The following STPG2 variants were observed in gnomAD, a reference collection of about 807,000 sequenced individuals.
The protein encoded by STPG2 is sperm-tail PG-rich repeat-containing protein 2.
In STPG2, 56 loss-of-function variants were observed where a neutral mutation model predicts 54.2. That is an observed-to-expected ratio of 1.03 (90% CI 0.83 to 1.29). The LOEUF is 1.29. Among genes scored for constraint, STPG2 ranks in the 50% most tolerant of loss-of-function variants. The pLI is 0.00. For synonymous variants in STPG2, 200 were observed against 181.8 expected, an observed-to-expected ratio of 1.10 and a Z score of -0.81; for missense variants, 596 against 544.9, an observed-to-expected ratio of 1.09 and a Z score of -0.93.
chr4:97,951,386 A>G (rs1223145795), intron 7 of STPG2, among the ~76,000 whole-genome samples: 1 of 152,196 alleles, frequency 6.6e-6, no homozygotes. Context: ...GGTGTATTGC[A>G]GAACCTTGTT....
At chr4:98,088,277 A>G (rs1448894287) in intron 5 of STPG2, among the ~76,000 whole-genome samples, 1 of 152,190 alleles carries the variant, frequency 6.6e-6, no homozygotes, top group Non-Finnish European at 1.5e-5. Context: ...TTCTCTGACT[A>G]AAGCCTATCT....
chr4:97,724,977 C>T (rs1427438487), intron 9 of STPG2, among the ~76,000 whole-genome samples: 1 of 152,030 alleles, frequency 6.6e-6, no homozygotes, highest in Non-Finnish European at 1.5e-5. Context: ...AACACTGCTC[C>T]CAGAACTCTT....
At chr4:97,569,565 G>C (rs922015182) in intron 10 of STPG2, among the ~76,000 whole-genome samples, 2 of 152,050 alleles carry the variant, frequency 1.3e-5, no homozygotes, top group Non-Finnish European at 2.9e-5. Context: ...AGAATCAACT[G>C]AATATAACAG....
At chr4:98,135,190 ACT>A (rs1421528535) in intron 1 of STPG2, among the ~76,000 whole-genome samples, 11 of 151,832 alleles carry the variant, frequency 7.2e-5, no homozygotes, top group African/African-American at 2.7e-4. Flanking sequence ...GCAAGTGAAG[ACT>A]CAAAACTTTT....
chr4:97,660,541 T>G (rs1156667761), intron 10 of STPG2, among the ~76,000 whole-genome samples: 1 of 152,216 alleles, frequency 6.6e-6, no homozygotes, highest in Non-Finnish European at 1.5e-5. Flanking sequence ...AAGGATGAGT[T>G]CTCTCTTGAT....
At chr4:97,555,147 T>C (rs1000603883), downstream of STPG2, among the ~76,000 whole-genome samples, 5 of 152,214 alleles carry the variant, frequency 3.3e-5, no homozygotes, top group African/African-American at 9.6e-5. Context: ...TTTTCTGGCA[T>C]GCTTGTCTTA....
chr4:97,480,753 C>T (rs994591366), intron 4 of STPG2, among the ~76,000 whole-genome samples: 9 of 151,428 alleles, frequency 5.9e-5, no homozygotes, highest in African/African-American at 1.7e-4. Flanking sequence ...AAATATTTTG[C>T]TTACTTTAGT....
At chr4:97,939,483 CTT>C (rs1229649107) in intron 8 of STPG2, among the ~76,000 whole-genome samples, 6 of 152,174 alleles carry the variant, frequency 3.9e-5, no homozygotes, top group African/African-American at 1.4e-4. Context: ...TCTGAGTTCT[CTT>C]TGTTGGGTGC....
intron 9 of STPG2, among the ~76,000 whole-genome samples, chr4:97,723,964 C>T (rs1049541692): frequency 2.2e-4 from 34 of 152,162 alleles, no homozygotes; most frequent in Non-Finnish European, 1.5e-5. Context: ...GGACACAGAG[C>T]CAAACCATAT....
intron 10 of STPG2, among the ~76,000 whole-genome samples, chr4:97,586,871 C>T (rs1262584401): frequency 3.3e-5 from 5 of 151,798 alleles, no homozygotes; most frequent in South Asian, 2.1e-4. Context: ...CTTGGAGCAT[C>T]GGCAAGGAAG....
At chr4:98,021,764 T>C (rs1045337825) in intron 5 of STPG2, among the ~76,000 whole-genome samples, 1 of 151,934 alleles carries the variant, frequency 6.6e-6, no homozygotes, top group Non-Finnish European at 1.5e-5. Flanking sequence ...CCCTTTACCA[T>C]TATGTAATGG....
At chr4:97,722,134 C>A (rs1405917387) in intron 9 of STPG2, among the ~76,000 whole-genome samples, 1 of 149,540 alleles carries the variant, frequency 6.7e-6, no homozygotes, top group Non-Finnish European at 1.5e-5. Context: ...TTTGCTTCAG[C>A]AAATACTGAA....
chr4:98,035,745 AC>A (rs1259974777), intron 5 of STPG2, among the ~76,000 whole-genome samples: 5 of 152,298 alleles, frequency 3.3e-5, no homozygotes. Flanking sequence ...GCACATATAC[AC>A]CATGGAATAC....
chr4:97,446,823 T>C (rs1375844873), intron 4 of STPG2, among the ~76,000 whole-genome samples: 1 of 152,224 alleles, frequency 6.6e-6, no homozygotes, highest in Non-Finnish European at 1.5e-5. Context: ...CAGTTAAACC[T>C]CTTTCCTTTA....
At position 97,867,534 on chromosome 4, in the gene STPG2, A is replaced by G. The variant is rs184178266; in HGVS notation, c.1045-26602T>C. 3.6e-3 allele frequency among the ~76,000 whole-genome samples: 554 copies of G among 152,172 alleles called. 4 individuals are homozygous for G. The highest frequency in any genetic ancestry group is 0.012 in the African/African-American group (518 of 41,554). On this transcript the variant is annotated intron_variant, in intron 8 of 10. Transcript: ENST00000295268. Reference sequence around the variant, plus strand: ...TATTTTAGGAACTTACTTCAAATCTATCTTCCAGTATATTAACTTTCTCCT... The same window carrying G: ...TATTTTAGGAACTTACTTCAAATCTGTCTTCCAGTATATTAACTTTCTCCT...
intron 1 of STPG2, among the ~76,000 whole-genome samples, chr4:98,139,531 C>T (rs1409147874): frequency 6.6e-6 from 1 of 152,168 alleles, no homozygotes; most frequent in East Asian, 1.9e-4. Context: ...CAACGTGTTA[C>T]TGGTCCTAAA....
intron 9 of STPG2, among the ~76,000 whole-genome samples, chr4:97,775,121 C>T (rs980906746): frequency 8.6e-5 from 13 of 151,838 alleles, no homozygotes; most frequent in Non-Finnish European, 1.0e-4. Flanking sequence ...ATAAAAAGGG[C>T]GCATAAATAG....
intron 9 of STPG2, among the ~76,000 whole-genome samples, chr4:97,719,440 A>C (rs2149014200): frequency 6.6e-6 from 1 of 152,108 alleles, no homozygotes; most frequent in South Asian, 2.1e-4. Context: ...TCATCCCAAA[A>C]TAATAAATCA....
chr4:98,051,291 T>C (rs1347987986), intron 5 of STPG2, among the ~76,000 whole-genome samples: 1 of 152,130 alleles, frequency 6.6e-6, no homozygotes, highest in Non-Finnish European at 1.5e-5. Context: ...TTATCAATAT[T>C]TGCAAAATTT....
Sources: allele counts gnomAD v4.1 joint callset (sites outside exome capture counted in the v4.1 genomes callset), GRCh38; gene constraint gnomAD v4.1.1; transcripts MANE v1.5; gene names NCBI Gene and HGNC (gene_info 2026-07-23, HGNC 2026-07-21).